ACCS: variants seen among roughly 807,000 people sequenced by gnomAD.
ACCS encodes the protein 1-aminocyclopropane-1-carboxylate synthase homolog (inactive).
A neutral mutation model predicts 59.8 loss-of-function variants in ACCS; 42 were observed. The observed-to-expected ratio is 0.70, with a 90% CI of 0.55 to 0.91. The LOEUF is 0.91. ACCS is among the 40% of genes least tolerant of loss of function. The pLI is 0.00. For synonymous variants in ACCS, 230 were observed against 240.3 expected, an observed-to-expected ratio of 0.96 and a Z score of 0.40; for missense variants, 602 against 630.4, an observed-to-expected ratio of 0.95 and a Z score of 0.48.
In ACCS at chr11:44,075,596, A is replaced by T. The variant is rs1419518406; in HGVS notation, c.556+4A>T. The T allele has an allele frequency of 6.2e-7, 1 of 1,613,876 alleles. No individual in the cohort carries two copies. Among genetic ancestry groups the T allele is most frequent in the Non-Finnish European group, 8.5e-7 (1 of 1,180,006 alleles). ...ACGGTGCTGTGTGAGGCCGGGGGTA[A>T]GTGAGCTCTGTGGCCTGCCCCGCAC... is the stretch of plus-strand genomic sequence containing the variant. On this transcript the variant is annotated splice_donor_region_variant and intron_variant, in intron 6 of 14. Transcript: ENST00000263776.
At chr11:44,078,114 A>G in intron 8 of ACCS, 192 bp downstream of exon 8, 1 of 671,394 alleles carries the variant, frequency 1.5e-6, no homozygotes, top group East Asian at 2.9e-5. Flanking sequence ...CTTCCCTTTC[A>G]AAACAGACTC....
intron 10 of ACCS, 41 bp downstream of exon 10, chr11:44,079,661 A>AT: frequency 1.3e-6 from 2 of 1,557,938 alleles, no homozygotes; most frequent in East Asian, 4.6e-5. Flanking sequence ...AGTCCCTATT[A>AT]TCCCACGGAG....
At chr11:44,077,697 GT>G in intron 7 of ACCS, 147 bp from the exon 8 acceptor site, 1 of 1,457,518 alleles carries the variant, frequency 6.9e-7, no homozygotes, top group Non-Finnish European at 9.0e-7. Context: ...GTGGATGGCA[GT>G]AAGAGGGAGG....
rs1350819141 is a variant in ACCS, at chr11:44,066,394, C to T, written c.-308C>T. On this transcript the variant is annotated 5_prime_UTR_variant, in exon 1 of 15. Coordinates refer to ENST00000263776, the MANE Select transcript of ACCS (RefSeq NM_032592.4). ...CCCTCTGTGCACTTTGCAAAAGCCT[C>T]TGCCCTTCCATCTCGAATCCCTTGG... The T allele has an allele frequency of 6.6e-6, 1 of 152,362 alleles. No individual in the cohort carries two copies. The highest frequency in any genetic ancestry group is 1.5e-5 in the Non-Finnish European group (1 of 68,140). The allele number at this position is 152,362 out of a possible 1,614,324, so 9.4% of individuals were successfully genotyped here. A position where few individuals can be genotyped will look rare whatever the true frequency, so the allele number is the denominator to read the frequency against.
intron 2 of ACCS, among the ~76,000 whole-genome samples, chr11:44,070,794 A>G (rs1322489624): frequency 2.6e-5 from 4 of 152,100 alleles, no homozygotes; most frequent in Non-Finnish European, 2.9e-5. Context: ...CTGCCAATAT[A>G]CCATCTCTAT....
At chr11:44,068,660 G>T (rs956501371) in intron 2 of ACCS, among the ~76,000 whole-genome samples, 1 of 152,184 alleles carries the variant, frequency 6.6e-6, no homozygotes, top group Admixed American at 6.5e-5. Flanking sequence ...TACCTGTTGT[G>T]TAGAAGAGTC....
intron 4 of ACCS, 84 bp downstream of exon 4, chr11:44,073,601 A>G: frequency 7.3e-7 from 1 of 1,374,274 alleles, no homozygotes; most frequent in Non-Finnish European, 1.0e-6. Flanking sequence ...ATAACTGGGA[A>G]GTCAGGTGCT....
chr11:44,083,482 A>G lies in ACCS; in HGVS notation c.1313A>G (p.Asn438Ser). ...CTGCTCTGGCGCCGCTTTTTGGACAACAAGGTGCTGCTGTCCTTTGGCAAG... is the reference window on the plus strand; with the variant it reads ...CTGCTCTGGCGCCGCTTTTTGGACAGCAAGGTGCTGCTGTCCTTTGGCAAG... ...EMLLWRRFLDNKVLLSFGKAF... is the reference protein window; with the variant it reads ...EMLLWRRFLDSKVLLSFGKAF... The change falls in exon 14 of 15, where the codon AAC becomes AGC. Residue 438 changes from asparagine to serine, a missense_variant. Transcript: ENST00000263776. The G allele has an allele frequency of 6.2e-7, 1 of 1,614,194 alleles. No individual in the cohort carries two copies. Among genetic ancestry groups the G allele is most frequent in the South Asian group, 1.1e-5 (1 of 91,084 alleles).
intron 2 of ACCS, among the ~76,000 whole-genome samples, chr11:44,070,116 G>A (rs545977431): frequency 1.3e-5 from 2 of 152,306 alleles, no homozygotes; most frequent in African/African-American, 4.8e-5. Flanking sequence ...ATGGGGTGGT[G>A]GAGGTGATAG....
At position 44,083,889 on chromosome 11, in the gene ACCS, A is replaced by G; in HGVS notation, c.*97A>G. The G allele has an allele frequency of 2.6e-6, 4 of 1,525,402 alleles. No individual in the cohort carries two copies. Among genetic ancestry groups the G allele is most frequent in the Non-Finnish European group, 3.5e-6 (4 of 1,135,012 alleles). The allele number at this position is 1,525,402 out of a possible 1,614,324, so 94.5% of individuals were successfully genotyped here. A position where few individuals can be genotyped will look rare whatever the true frequency, so the allele number is the denominator to read the frequency against. Reference sequence around the variant, plus strand: ...ACTGACTGTGGATGTGCCATTTGCCAGGAAGGTATCTAACTTGGCTTTGTG... The same window carrying G: ...ACTGACTGTGGATGTGCCATTTGCCGGGAAGGTATCTAACTTGGCTTTGTG... On this transcript the variant is annotated 3_prime_UTR_variant, in exon 15 of 15. Transcript: ENST00000263776.
chr11:44,074,980 C>T (rs1054262324), intron 5 of ACCS, among the ~76,000 whole-genome samples: 51 of 151,438 alleles, frequency 3.4e-4, no homozygotes, highest in African/African-American at 3.2e-4. Context: ...ATGCACCACA[C>T]GCCCGGCTAA....
At chr11:44,081,145 G>A in intron 11 of ACCS, 34 bp from the exon 12 acceptor site, 1 of 1,614,182 alleles carries the variant, frequency 6.2e-7, no homozygotes, top group Non-Finnish European at 8.5e-7. Flanking sequence ...CTCCATGGAG[G>A]GCTGGCCACC....
chr11:44,075,518 G>A lies in ACCS; in HGVS notation c.490-8G>A, dbSNP rs368003643. 6 of 1,613,866 alleles carry A rather than the reference G, an allele frequency of 3.7e-6. No homozygotes were observed. Among genetic ancestry groups the A allele is most frequent in the Admixed American group, 1.7e-5 (1 of 60,002 alleles). On this transcript the variant is annotated splice_region_variant and splice_polypyrimidine_tract_variant and intron_variant, in intron 5 of 14. Coordinates refer to ENST00000263776, the MANE Select transcript of ACCS (RefSeq NM_032592.4). Reference sequence around the variant, plus strand: ...TTCATCTTCATCCCTTGGATATGTCGCCCTTAGGTGGTTGTCCTGAATGGT... The same window carrying A: ...TTCATCTTCATCCCTTGGATATGTCACCCTTAGGTGGTTGTCCTGAATGGT...
rs2134910633 is a variant in ACCS, at chr11:44,083,850, T to C, written c.*58T>C. The C allele has an allele frequency of 1.3e-6, 2 of 1,553,152 alleles. No homozygotes were observed. The highest frequency in any genetic ancestry group is 1.7e-6 in the Non-Finnish European group (2 of 1,148,322). On this transcript the variant is annotated 3_prime_UTR_variant, in exon 15 of 15. Transcript: ENST00000263776. ...CAGCCACTGTGGACCTGGGGCGTTC[T>C]GGGGCTGCAGAAGACTGACTGTGGA...
intron 5 of ACCS, 64 bp downstream of exon 5, chr11:44,074,745 T>A (rs1288623487): frequency 3.2e-6 from 1 of 314,986 alleles, no homozygotes; most frequent in Non-Finnish European, 5.1e-6. Context: ...TCTTTCTTTC[T>A]TTCTTTCTTT....
intron 7 of ACCS, 169 bp from the exon 8 acceptor site, chr11:44,077,676 A>C: frequency 6.9e-7 from 1 of 1,445,128 alleles, no homozygotes; most frequent in Non-Finnish European, 9.1e-7. Flanking sequence ...CTCTGAAGTG[A>C]TGGGTTGGGG....
intron 10 of ACCS, 76 bp downstream of exon 10, chr11:44,079,696 C>T (rs766048821): frequency 5.1e-6 from 7 of 1,375,066 alleles, no homozygotes; most frequent in Non-Finnish European, 7.1e-6. Context: ...TGGCTCAGCC[C>T]ACAGGGCATG....
At chr11:44,081,534 C>T (rs568451082) in intron 12 of ACCS, among the ~76,000 whole-genome samples, 2 of 152,356 alleles carry the variant, frequency 1.3e-5, no homozygotes, top group East Asian at 3.9e-4. Context: ...GCCTCAGTTT[C>T]CTCATCTGTA....
intron 9 of ACCS, 48 bp from the exon 10 acceptor site, chr11:44,079,483 T>A (rs1953536132): frequency 6.6e-7 from 1 of 1,516,376 alleles, no homozygotes; most frequent in Admixed American, 1.8e-5. Flanking sequence ...GTGGGACGCA[T>A]CTGCCCTACA....
Sources: allele counts gnomAD v4.1 joint callset (sites outside exome capture counted in the v4.1 genomes callset), GRCh38; gene constraint gnomAD v4.1.1; transcripts MANE v1.5; gene names NCBI Gene and HGNC (gene_info 2026-07-23, HGNC 2026-07-21).